ZMYM5: variants seen among roughly 807,000 people sequenced by gnomAD.
The protein encoded by ZMYM5 is zinc finger MYM-type protein 5.
In ZMYM5, 41 loss-of-function variants were observed where a neutral mutation model predicts 61.8. The ratio of observed to expected loss-of-function variants is 0.66; its 90% CI spans 0.52 to 0.86. ZMYM5 has a LOEUF of 0.86. Among genes scored for constraint, ZMYM5 ranks in the 40% least tolerant of loss-of-function variants. The pLI, the probability that ZMYM5 is intolerant of heterozygous loss-of-function variation, is 0.00. For missense variants in ZMYM5, 706 were observed against 786.7 expected (o/e 0.90, Z 1.23); for synonymous variants, 257 against 276.4 (o/e 0.93, Z 0.70).
At chr13:19,829,620 T>C (rs1315933050) in intron 7 of ZMYM5, among the ~76,000 whole-genome samples, 1 of 152,092 alleles carries the variant, frequency 6.6e-6, no homozygotes, top group Non-Finnish European at 1.5e-5. Context: ...GGCCTTGCTT[T>C]GTTGCCCAGG....
chr13:19,858,459 GT>G (rs1312327206), intron 2 of ZMYM5, among the ~76,000 whole-genome samples: 3 of 151,224 alleles, frequency 2.0e-5, no homozygotes, highest in African/African-American at 7.3e-5. Flanking sequence ...GTGGCACATG[GT>G]TGTGGTCCCA....
chr13:19,835,651 T>C lies in ZMYM5; in HGVS notation c.1077A>G (p.Lys359=). 29 of 1,367,642 alleles carry C rather than the reference T, an allele frequency of 2.1e-5. No homozygotes were observed. Among genetic ancestry groups the C allele is most frequent in the Non-Finnish European group, 2.8e-5 (29 of 1,021,840 alleles). The allele number at this position is 1,367,642 out of a possible 1,614,324, so 84.7% of individuals were successfully genotyped here. A position where few individuals can be genotyped will look rare whatever the true frequency, so the allele number is the denominator to read the frequency against. ...HEVSVNNVTH[K]LCSNHCFNKY... ...TATTAAAGCAATGGTTACTGCACAGTTTATGTGTTACATTATTTACGCTGA... is the reference window on the plus strand; with the variant it reads ...TATTAAAGCAATGGTTACTGCACAGCTTATGTGTTACATTATTTACGCTGA... Residue 359 remains lysine (K), a synonymous_variant, in exon 7 of 8, where the codon AAA becomes AAG. Coordinates refer to ENST00000337963, the MANE Select transcript of ZMYM5 (RefSeq NM_001142684.2).
intron 7 of ZMYM5, among the ~76,000 whole-genome samples, chr13:19,829,932 C>T (rs1433557982): frequency 6.6e-6 from 1 of 152,124 alleles, no homozygotes; most frequent in African/African-American, 2.4e-5. Context: ...TCACCATACA[C>T]ACTCAACACC....
In ZMYM5 at chr13:19,851,625, T is replaced by C. The variant is rs553851903; in HGVS notation, c.492+64A>G. 1.2e-5 allele frequency: 18 copies of C among 1,547,464 alleles called. 1 individual carries two copies. In the African/African-American group the frequency reaches 1.8e-4, roughly 15 times the overall value. ...ATACCTGTTTCTAAGGTTGTAACAT[T>C]AGTAATAATGTATTTCAGAGTCAAT... is the stretch of plus-strand genomic sequence containing the variant. On this transcript the variant is annotated intron_variant, in intron 3 of 7. Coordinates refer to ENST00000337963, the MANE Select transcript of ZMYM5 (RefSeq NM_001142684.2).
chr13:19,855,750 G>A (rs914483042), intron 2 of ZMYM5, among the ~76,000 whole-genome samples: 2 of 150,900 alleles, frequency 1.3e-5, no homozygotes, highest in African/African-American at 4.9e-5. Context: ...AGTGGCTCAT[G>A]CCTGTAATCC....
At chr13:19,849,999 A>G (rs1267435447) in intron 4 of ZMYM5, among the ~76,000 whole-genome samples, 5 of 151,454 alleles carry the variant, frequency 3.3e-5, no homozygotes, top group African/African-American at 1.2e-4. Context: ...GGGAAAAAGC[A>G]CTATTTTCCT....
chr13:19,846,091 AT>A (rs1401194171), intron 4 of ZMYM5, among the ~76,000 whole-genome samples: 1 of 152,218 alleles, frequency 6.6e-6, no homozygotes, highest in African/African-American at 2.4e-5. Context: ...ATACTTGGAA[AT>A]TTTAAGGATT....
intron 4 of ZMYM5, among the ~76,000 whole-genome samples, chr13:19,845,196 C>A (rs1953033808): frequency 6.6e-6 from 1 of 152,064 alleles, no homozygotes; most frequent in African/African-American, 2.4e-5. Flanking sequence ...AATGATATGT[C>A]CAATGCTTCC....
chr13:19,842,974 A>T (rs1403333469), intron 4 of ZMYM5, among the ~76,000 whole-genome samples: 3 of 123,138 alleles, frequency 2.4e-5, no homozygotes, highest in Admixed American at 1.5e-4. Flanking sequence ...AAAAAAAAAA[A>T]AAAAAAAAAA....
chr13:19,858,920 G>A (rs1487361667), intron 2 of ZMYM5, among the ~76,000 whole-genome samples: 1 of 152,152 alleles, frequency 6.6e-6, no homozygotes, highest in African/African-American at 2.4e-5. Flanking sequence ...GATGGTGACA[G>A]GCCTTTCCCC....
At chr13:19,851,301 G>C (rs1484169116) in intron 4 of ZMYM5, 54 bp downstream of exon 4, 1 of 1,458,832 alleles carries the variant, frequency 6.9e-7, no homozygotes, top group African/African-American at 1.4e-5. Context: ...TTACTAAAAA[G>C]AACAGCCAAA....
intron 4 of ZMYM5, among the ~76,000 whole-genome samples, chr13:19,843,013 G>A (rs1488663801): frequency 1.4e-5 from 2 of 147,280 alleles, no homozygotes; most frequent in Admixed American, 6.9e-5. Flanking sequence ...ATGGAGTTTC[G>A]CTATGTTGCC....
At chr13:19,843,849 AG>A (rs751040330) in intron 4 of ZMYM5, among the ~76,000 whole-genome samples, 56 of 148,410 alleles carry the variant, frequency 3.8e-4, no homozygotes, top group African/African-American at 1.1e-3. Context: ...AAAAAAAAAA[AG>A]GGGGCCAGGT....
intron 7 of ZMYM5, among the ~76,000 whole-genome samples, chr13:19,835,051 T>C (rs890221607): frequency 2.0e-5 from 3 of 151,216 alleles, no homozygotes; most frequent in African/African-American, 7.3e-5. Flanking sequence ...AGTGCAGTGG[T>C]ACAATCATAG....
intron 7 of ZMYM5, among the ~76,000 whole-genome samples, chr13:19,831,787 CAAAAA>C (rs1190448216): frequency 2.7e-5 from 1 of 36,682 alleles, no homozygotes; most frequent in African/African-American, 1.4e-4. Context: ...GACTCTGTCT[CAAAAA>C]AAAAAAAAAA....
chr13:19,842,427 A>T (rs1952909858), intron 4 of ZMYM5, among the ~76,000 whole-genome samples: 1 of 152,196 alleles, frequency 6.6e-6, no homozygotes. Flanking sequence ...AGGAACTTTG[A>T]CTTCAAACAA....
chr13:19,824,803 T>C lies in ZMYM5; in HGVS notation c.1684A>G (p.Thr562Ala). The change falls in exon 8 of 8, where the codon ACT becomes GCT. Residue 562 changes from threonine to alanine, a missense_variant. By Grantham distance (58) the Thr-to-Ala change is moderately conservative. Around this residue, in one of 2 missense-constraint regions of ZMYM5, gnomAD observed 226 missense variants for 325.0 expected, o/e 0.70. Transcript: ENST00000337963. ...KDNTGRKFSE[T>A]YYTRILPNGE... ...TTTGGAAGAATCCGTGTATAATAAG[T>C]TTCTGAAAACTTCCTCCCTGTATTA... The C allele has an allele frequency of 7.4e-7, 1 of 1,353,578 alleles. No individual in the cohort carries two copies. The highest frequency in any genetic ancestry group is 1.2e-5 in the South Asian group (1 of 86,238). 83.8% of individuals were successfully genotyped at this position (1,353,578 alleles called of 1,614,324 possible).
chr13:19,860,381 C>T (rs1257138363), intron 2 of ZMYM5, among the ~76,000 whole-genome samples: 2 of 151,152 alleles, frequency 1.3e-5, no homozygotes, highest in East Asian at 3.9e-4. Context: ...TAACCTCTGC[C>T]TCTCAAGTAG....
At chr13:19,859,593 A>G (rs1256737334) in intron 2 of ZMYM5, among the ~76,000 whole-genome samples, 7 of 150,632 alleles carry the variant, frequency 4.6e-5, no homozygotes, top group African/African-American at 1.5e-4. Flanking sequence ...ATTTTTTGTA[A>G]AGATGGGGTT....
Sources: allele counts gnomAD v4.1 joint callset (sites outside exome capture counted in the v4.1 genomes callset), GRCh38; gene constraint gnomAD v4.1.1; regional missense constraint gnomAD v4.1.1; transcripts MANE v1.5; gene names NCBI Gene and HGNC (gene_info 2026-07-23, HGNC 2026-07-21).